Variants in RNF220 observed in about 807,000 individuals in gnomAD.
The protein encoded by RNF220 is E3 ubiquitin-protein ligase RNF220.
A neutral mutation model predicts 67.1 loss-of-function variants in RNF220; 7 were observed. The ratio of observed to expected loss-of-function variants is 0.10; its 90% CI spans 0.06 to 0.20. The LOEUF is 0.20. Among genes scored for constraint, RNF220 ranks in the 10% least tolerant of loss-of-function variants. The pLI is 1.00. For synonymous variants in RNF220, 270 were observed against 283.2 expected (o/e 0.95, Z 0.47); for missense variants, 565 against 740.3 (o/e 0.76, Z 2.75).
At chr1:44,521,223 C>G (rs1265577886) in intron 2 of RNF220, among the ~76,000 whole-genome samples, 1 of 152,140 alleles carries the variant, frequency 6.6e-6, no homozygotes, top group Admixed American at 6.5e-5. Flanking sequence ...AATTCCTGCA[C>G]CTGGATCTAA....
At chr1:44,484,532 G>A (rs1656110588) in intron 2 of RNF220, among the ~76,000 whole-genome samples, 1 of 152,114 alleles carries the variant, frequency 6.6e-6, no homozygotes, top group South Asian at 2.1e-4. Context: ...TGGAGACATA[G>A]CACGTACTTG....
chr1:44,459,206 T>C (rs749781087), intron 2 of RNF220, among the ~76,000 whole-genome samples: 3 of 152,000 alleles, frequency 2.0e-5, no homozygotes, highest in Non-Finnish European at 4.4e-5. Context: ...AATTTCAAGG[T>C]TTTTCTAAAA....
chr1:44,559,406 C>A (rs1437117803), intron 2 of RNF220, among the ~76,000 whole-genome samples: 1 of 152,242 alleles, frequency 6.6e-6, no homozygotes, highest in African/African-American at 2.4e-5. Context: ...AGGCCCTGAA[C>A]AGATAAGTGA....
intron 2 of RNF220, among the ~76,000 whole-genome samples, chr1:44,492,031 A>G (rs1190545293): frequency 6.6e-6 from 1 of 152,218 alleles, no homozygotes; most frequent in African/African-American, 2.4e-5. Context: ...ATTAGGCAAG[A>G]AAATAACAGT....
rs947524759 is a variant in RNF220, at chr1:44,635,384, C to T, written c.950-161C>T. 6.1e-6 allele frequency: 7 copies of T among 1,141,684 alleles called. No homozygotes were observed. The African/African-American group carries it at 1.1e-4, about 18-fold the overall frequency. 70.7% of individuals were successfully genotyped at this position (1,141,684 alleles called of 1,614,324 possible). A position where few individuals can be genotyped will look rare whatever the true frequency, so the allele number is the denominator to read the frequency against. ...AGGTGCTCTTGGCAAAGCCCAGTCC[C>T]CAAAGGAGCAGGAGGTATTTCAAGA... On this transcript the variant is annotated intron_variant, in intron 6 of 14. Coordinates refer to ENST00000361799, the MANE Select transcript of RNF220 (RefSeq NM_018150.4).
intron 2 of RNF220, among the ~76,000 whole-genome samples, chr1:44,448,890 A>T (rs1022561271): frequency 4.6e-5 from 7 of 152,238 alleles, no homozygotes; most frequent in Admixed American, 4.6e-4. Flanking sequence ...TGGAAGCTTG[A>T]TAAATATTTG....
At chr1:44,487,322 G>A (rs904756437) in intron 2 of RNF220, among the ~76,000 whole-genome samples, 6 of 146,940 alleles carry the variant, frequency 4.1e-5, no homozygotes, top group African/African-American at 1.3e-4. Context: ...GTGACAGATC[G>A]AGACTCTGTC....
At chr1:44,489,333 A>G (rs1364509692) in intron 2 of RNF220, among the ~76,000 whole-genome samples, 1 of 152,356 alleles carries the variant, frequency 6.6e-6, no homozygotes, top group East Asian at 1.9e-4. Flanking sequence ...GAGATAATAC[A>G]CATTTCCGTA....
At chr1:44,607,366 A>T (rs1472425471) in intron 2 of RNF220, among the ~76,000 whole-genome samples, 1 of 151,896 alleles carries the variant, frequency 6.6e-6, no homozygotes, top group Non-Finnish European at 1.5e-5. Flanking sequence ...TCCAGGATGC[A>T]CCCTCTCTAT....
chr1:44,486,482 C>T (rs1656317192), intron 2 of RNF220, among the ~76,000 whole-genome samples: 1 of 152,148 alleles, frequency 6.6e-6, no homozygotes, highest in African/African-American at 2.4e-5. Context: ...TCTTTTCTCT[C>T]TCTCCAAGGT....
rs954865074 is a variant in RNF220 at position 44,412,476 on chromosome 1, G to A, written c.379G>A (p.Glu127Lys). 1.1e-5 allele frequency: 17 copies of A among 1,611,130 alleles called. No individual in the cohort carries two copies. Among genetic ancestry groups the A allele is most frequent in the Non-Finnish European group, 1.4e-5 (16 of 1,177,698 alleles). The change falls in exon 2 of 15, where the codon GAG becomes AAG. Residue 127 changes from glutamate (E) to lysine (K), a missense_variant. By Grantham distance (56) the Glu-to-Lys change is moderately conservative. Coordinates refer to ENST00000361799, the MANE Select transcript of RNF220 (RefSeq NM_018150.4). This position sits in a 1 kb window ranked among gnomAD's most constrained non-coding sequence, Gnocchi z 5.3. Reference sequence around the variant, plus strand: ...GGCTTTCCGGCCCTTTGCCTCCACCGAGGACCGGGAGAGCTATCAGTCAGC... The same window carrying A: ...GGCTTTCCGGCCCTTTGCCTCCACCAAGGACCGGGAGAGCTATCAGTCAGC... ...VGAFRPFAST[E>K]DRESYQSAFT...
intron 2 of RNF220, among the ~76,000 whole-genome samples, chr1:44,473,706 A>G (rs148234422): frequency 6.6e-6 from 1 of 152,160 alleles, no homozygotes; most frequent in African/African-American, 2.4e-5. Context: ...TGGGCTCTGT[A>G]ACTAGGTCAA....
rs996877971 is a variant in RNF220, at chr1:44,406,736, C to G, written c.-118+1206C>G. On this transcript the variant is annotated intron_variant, in intron 1 of 14. Transcript: ENST00000361799. ...TTTTCAGGGCTCGGCCTGGGCGTTT[C>G]GCCTTTGTGCTTTGTAAGAGAAAGC... Among the ~76,000 whole-genome samples, 92 of 145,512 alleles carry G rather than the reference C, an allele frequency of 6.3e-4. 1 individual carries two copies. The highest frequency in any genetic ancestry group is 2.2e-3 in the African/African-American group (89 of 40,370).
intron 3 of RNF220, among the ~76,000 whole-genome samples, chr1:44,614,982 T>C (rs573253288): frequency 6.6e-6 from 1 of 152,346 alleles, no homozygotes; most frequent in South Asian, 2.1e-4. Context: ...ATGGCTGATG[T>C]CTGCTCCATG....
intron 2 of RNF220, among the ~76,000 whole-genome samples, chr1:44,488,295 C>A (rs1656517529): frequency 6.6e-6 from 1 of 151,944 alleles, no homozygotes; most frequent in South Asian, 2.1e-4. Flanking sequence ...GCCACCACAC[C>A]CGACTAATTT....
chr1:44,425,204 A>T (rs1304620284), intron 2 of RNF220, among the ~76,000 whole-genome samples: 1 of 152,068 alleles, frequency 6.6e-6, no homozygotes, highest in Non-Finnish European at 1.5e-5. Context: ...ACAGTAGGGG[A>T]TGCTCTCGTC....
At chr1:44,405,933 T>G (rs1029838722) in intron 1 of RNF220, among the ~76,000 whole-genome samples, 1 of 152,188 alleles carries the variant, frequency 6.6e-6, no homozygotes, top group African/African-American at 2.4e-5. Context: ...CCCACTTTGT[T>G]CGGGTCGATA....
At chr1:44,640,557 T>C (rs771703484) in intron 8 of RNF220, among the ~76,000 whole-genome samples, 21 of 152,246 alleles carry the variant, frequency 1.4e-4, no homozygotes, top group Admixed American at 3.3e-4. Flanking sequence ...AAACGGCGTC[T>C]GTCTCTCTGC....
intron 2 of RNF220, among the ~76,000 whole-genome samples, chr1:44,513,094 G>T (rs1659157133): frequency 6.6e-6 from 1 of 152,212 alleles, no homozygotes; most frequent in African/African-American, 2.4e-5. Context: ...GGGATTTGGA[G>T]TCCAGAAAGG....
Sources: gnomAD v4.1 joint callset for allele counts (sites outside exome capture counted in the v4.1 genomes callset) on GRCh38, gnomAD v4.1.1 for gene constraint, Gnocchi (gnomAD v3.1) non-coding constraint, MANE v1.5 for transcripts, NCBI Gene and HGNC (gene_info 2026-07-23, HGNC 2026-07-21) for gene names.